The following MAFK variants were observed in gnomAD, a reference collection of about 807,000 sequenced individuals.
MAFK encodes the protein transcription factor MafK.
In MAFK, 1 loss-of-function variant was observed where a neutral mutation model predicts 9.2. The observed-to-expected ratio is 0.11, with a 90% CI of 0.04 to 0.52. The LOEUF (loss-of-function observed/expected upper bound fraction) is 0.52, where lower values mean the gene tolerates loss of function less well. Among genes scored for constraint, MAFK ranks in the 20% least tolerant of loss-of-function variants. The pLI is 0.94. For synonymous variants in MAFK, 110 were observed against 107.4 expected (o/e 1.02, Z -0.15); for missense variants, 207 against 236.0 (o/e 0.88, Z 0.81).
At chr7:1,538,559 C>T (rs2128552080) in intron 1 of MAFK, 1 of 500,302 alleles carries the variant, frequency 2.0e-6, no homozygotes, top group Non-Finnish European at 2.6e-6. Context: ...TCCCCAGAGG[C>T]CCCCTCTCGG....
At position 1,534,565 on chromosome 7, in the gene MAFK, T is replaced by C. The variant is rs1412587284; in HGVS notation, c.-45+3667T>C. On this transcript the variant is annotated intron_variant, in intron 1 of 2. Transcript: ENST00000343242. This position sits in a 1 kb window ranked among gnomAD's most constrained non-coding sequence, Gnocchi z 4.3. ...GAGCTCCCGTCCTCCGTTCCTGGTC[T>C]TCCTCCTGCCCCTCCTCCCTCTCCC... The C allele has an allele frequency of 2.2e-6, 1 of 456,418 alleles. No homozygotes were observed. The highest frequency in any genetic ancestry group is 2.0e-5 in the African/African-American group (1 of 50,190). 28.3% of individuals were successfully genotyped at this position (456,418 alleles called of 1,614,324 possible).
intron 1 of MAFK, among the ~76,000 whole-genome samples, chr7:1,536,829 G>A (rs964743505): frequency 8.5e-5 from 13 of 152,224 alleles, no homozygotes; most frequent in Non-Finnish European, 1.8e-4. Context: ...GTCCCGCTGC[G>A]TCGTCTCTCC....
intron 1 of MAFK, chr7:1,538,465 TC>T: frequency 5.9e-6 from 1 of 168,730 alleles, no homozygotes. Context: ...GTGGTAGGTG[TC>T]CCGTGGCCTG....
At chr7:1,533,985 C>T in intron 1 of MAFK, 3 of 346,450 alleles carry the variant, frequency 8.7e-6, no homozygotes, top group South Asian at 6.3e-5. Context: ...CTGCTCTCTG[C>T]TGCTGCAGCT....
intron 1 of MAFK, among the ~76,000 whole-genome samples, chr7:1,533,815 C>T (rs1454624850): frequency 6.6e-6 from 1 of 152,042 alleles, no homozygotes; most frequent in Non-Finnish European, 1.5e-5. Flanking sequence ...CTGGGCCCCC[C>T]GGAATGCCCC....
Position 1,540,338 on chromosome 7 carries a change from TCTC to T in MAFK, c.439_441del (p.Ser147del). 1 of 1,586,938 alleles carries T rather than the reference TCTC, an allele frequency of 6.3e-7. No homozygotes were observed. ...ATCACCATCGTCAAGTCCACCGAGC[TCTC>T]CTCCACCTCCGTGCCCTTCTCGGCT... On this transcript the variant is annotated inframe_deletion, in exon 3 of 3. Transcript: ENST00000343242.
At chr7:1,538,813 C>G in intron 1 of MAFK, 1 of 256,714 alleles carries the variant, frequency 3.9e-6, no homozygotes, top group South Asian at 4.2e-5. Flanking sequence ...ACAGTGCCGG[C>G]GGCTGCAGCC....
chr7:1,536,101 C>T (rs973544643), intron 1 of MAFK, among the ~76,000 whole-genome samples: 2 of 152,188 alleles, frequency 1.3e-5, no homozygotes, highest in African/African-American at 4.8e-5. Flanking sequence ...TAGGTGGTGC[C>T]GGAGAACTTT....
rs1324749735 is a variant in MAFK, at chr7:1,534,077, G to A, written c.-45+3179G>A. 8.1e-6 allele frequency: 3 copies of A among 368,260 alleles called. No homozygotes were observed. The highest frequency in any genetic ancestry group is 3.8e-5 in the South Asian group (2 of 53,060). The allele number at this position is 368,260 out of a possible 1,614,324, so 22.8% of individuals were successfully genotyped here. ...AAGGTGACCAGACGTCCTCCAAGCC[G>A]GGCCGACAGTCATGGCTTGCTGGAG... On this transcript the variant is annotated intron_variant, in intron 1 of 2. Coordinates refer to ENST00000343242, the MANE Select transcript of MAFK (RefSeq NM_002360.4). This position sits in a 1 kb window ranked among gnomAD's most constrained non-coding sequence, Gnocchi z 4.3.
chr7:1,541,712 C>T lies in MAFK; in HGVS notation c.*1337C>T, dbSNP rs139402822. On this transcript the variant is annotated 3_prime_UTR_variant, in exon 3 of 3. Transcript: ENST00000343242. ...TCAGCACTCAGTCCTCACCCGGAGCCTTTGCCTGCTCCTCCTTCCAAGAGC... is the reference window on the plus strand; with the variant it reads ...TCAGCACTCAGTCCTCACCCGGAGCTTTTGCCTGCTCCTCCTTCCAAGAGC... The T allele has an allele frequency of 4.9e-4, 74 of 152,342 alleles. No homozygotes were observed. The highest frequency in any genetic ancestry group is 1.7e-3 in the African/African-American group (70 of 41,578). 9.4% of individuals were successfully genotyped at this position (152,342 alleles called of 1,614,324 possible). A position where few individuals can be genotyped will look rare whatever the true frequency, so the allele number is the denominator to read the frequency against.
intron 1 of MAFK, among the ~76,000 whole-genome samples, 156 bp downstream of exon 1, chr7:1,531,054 C>G (rs1467146549): frequency 2.7e-4 from 39 of 147,152 alleles, no homozygotes; most frequent in African/African-American, 9.6e-4. Flanking sequence ...TCATGCGGCC[C>G]GCGGCGCGGC....
At position 1,532,311 on chromosome 7, in the gene MAFK, C is replaced by CAGGT. The variant is rs1783924308; in HGVS notation, c.-45+1414_-45+1417dup. On this transcript the variant is annotated intron_variant, in intron 1 of 2. Transcript: ENST00000343242. The surrounding 1 kb of genome is among the most constrained non-coding windows in gnomAD (Gnocchi z 4.5). ...GTCTGGAGAACATAGGTGGGCTGTG[C>CAGGT]AGGTGTCTGGGACACACCTACACCC... 6.6e-6 allele frequency among the ~76,000 whole-genome samples: 1 copy of CAGGT among 152,168 alleles called. No individual in the cohort carries two copies. Among genetic ancestry groups the CAGGT allele is most frequent in the Non-Finnish European group, 1.5e-5 (1 of 68,038 alleles).
intron 1 of MAFK, among the ~76,000 whole-genome samples, chr7:1,535,030 C>T (rs1783995323): frequency 6.6e-6 from 1 of 151,648 alleles, no homozygotes; most frequent in Admixed American, 6.6e-5. Flanking sequence ...CTCAGCCTCC[C>T]GAGTAGCCGG....
chr7:1,540,090 C>T lies in MAFK; in HGVS notation c.186C>T (p.Arg62=), dbSNP rs745677794. The stretch of plus-strand genomic sequence containing the variant: ...AGCGTCGGCGCACACTCAAGAACCG[C>T]GGCTACGCGGCCAGCTGCCGCATCA... The part of the protein sequence containing the change: ...LKQRRRTLKN[R]GYAASCRIKR... The change falls in exon 3 of 3, where the codon CGC becomes CGT. Residue 62 remains arginine, a synonymous_variant. Transcript: ENST00000343242. 2.1e-5 allele frequency: 33 copies of T among 1,566,096 alleles called. No homozygotes were observed. Among genetic ancestry groups the T allele is most frequent in the Non-Finnish European group, 2.5e-5 (29 of 1,155,544 alleles).
intron 1 of MAFK, among the ~76,000 whole-genome samples, chr7:1,531,616 C>G (rs955138871): frequency 7.2e-5 from 11 of 152,196 alleles, no homozygotes; most frequent in African/African-American, 2.7e-4. Flanking sequence ...CCGGCCTCTT[C>G]CCGCTCCCAC....
In MAFK at chr7:1,541,328, A is replaced by C. The variant is rs1417542258; in HGVS notation, c.*953A>C. 6.6e-6 allele frequency: 1 copy of C among 151,658 alleles called. No individual in the cohort carries two copies. Among genetic ancestry groups the C allele is most frequent in the Non-Finnish European group, 1.5e-5 (1 of 67,916 alleles). 9.4% of individuals were successfully genotyped at this position (151,658 alleles called of 1,614,324 possible). On this transcript the variant is annotated 3_prime_UTR_variant, in exon 3 of 3. Transcript: ENST00000343242. ...GAGCTACTTCTCACCAACTGTGGTCAGTGCAGGGGGAACGAGGAGGTCTTT... is the reference window on the plus strand; with the variant it reads ...GAGCTACTTCTCACCAACTGTGGTCCGTGCAGGGGGAACGAGGAGGTCTTT...
intron 1 of MAFK, chr7:1,537,276 T>TGGGCCCGG (rs988052194): frequency 1.5e-5 from 10 of 658,758 alleles, no homozygotes; most frequent in Non-Finnish European, 1.7e-5. Flanking sequence ...CGGCGGGCAG[T>TGGGCCCGG]GGGCCCGGGG....
intron 1 of MAFK, among the ~76,000 whole-genome samples, chr7:1,535,905 C>G (rs1204517569): frequency 6.6e-6 from 1 of 152,254 alleles, no homozygotes; most frequent in Non-Finnish European, 1.5e-5. Context: ...CTCCGTCACT[C>G]ATCCCCAGCT....
In MAFK at chr7:1,534,950, C is replaced by T. The variant is rs62435358; in HGVS notation, c.-45+4052C>T. ...ATAAGGTCTTGCCCTGTCACTCAGG[C>T]TGCTGGAGTGCAGTGGTGTGATCAC... On this transcript the variant is annotated intron_variant, in intron 1 of 2. Transcript: ENST00000343242. This position sits in a 1 kb window ranked among gnomAD's most constrained non-coding sequence, Gnocchi z 4.3. 3.3e-5 allele frequency among the ~76,000 whole-genome samples: 5 copies of T among 152,124 alleles called. No individual in the cohort carries two copies. The highest frequency in any genetic ancestry group is 3.9e-4 in the East Asian group (2 of 5,182).
Sources: gnomAD v4.1 joint callset for allele counts (sites outside exome capture counted in the v4.1 genomes callset) on GRCh38, gnomAD v4.1.1 for gene constraint, Gnocchi (gnomAD v3.1) non-coding constraint, MANE v1.5 for transcripts, NCBI Gene and HGNC (gene_info 2026-07-23, HGNC 2026-07-21) for gene names.